Variants in SVOPL observed in about 807,000 individuals in gnomAD.
SVOPL encodes the protein SVOP like, also known as putative transporter SVOPL.
A neutral mutation model predicts 61.0 loss-of-function variants in SVOPL; 60 were observed. That is an observed-to-expected ratio of 0.98 (90% CI 0.80 to 1.22). SVOPL has a LOEUF of 1.22. Ranked by LOEUF, SVOPL falls within the 50% of genes most tolerant of loss-of-function variation. SVOPL has a pLI of 0.00. For synonymous variants in SVOPL, 279 were observed against 250.0 expected, an observed-to-expected ratio of 1.12 and a Z score of -1.09; for missense variants, 662 against 643.9, an observed-to-expected ratio of 1.03 and a Z score of -0.30.
chr7:138,606,843 A>G (rs1166743564), intron 14 of SVOPL, among the ~76,000 whole-genome samples: 1 of 152,036 alleles, frequency 6.6e-6, no homozygotes, highest in Admixed American at 6.6e-5. Flanking sequence ...TATCCCAGCT[A>G]CTCAGGAGGC....
chr7:138,598,175 T>A (rs1407884227), intron 14 of SVOPL, among the ~76,000 whole-genome samples: 1 of 152,134 alleles, frequency 6.6e-6, no homozygotes, highest in Non-Finnish European at 1.5e-5. Context: ...CCAGATTTAC[T>A]GTATCAAAAG....
chr7:138,620,991 T>A, intron 14 of SVOPL, 55 bp downstream of exon 14: 1 of 1,512,306 alleles, frequency 6.6e-7, no homozygotes, highest in South Asian at 1.2e-5. Context: ...GTCCCTGGGT[T>A]CCTCTTACCC....
rs368467351 is a variant in SVOPL at position 138,671,541 on chromosome 7, T to A, written c.273+478A>T. On this transcript the variant is annotated intron_variant, in intron 4 of 15. Transcript: ENST00000674285. The stretch of plus-strand genomic sequence containing the variant: ...TTTTGTATTTTTAGTAGAGACGGGG[T>A]TTCACCATGTTGGTCAGGCTGGTCT... 2.4e-4 allele frequency among the ~76,000 whole-genome samples: 37 copies of A among 152,190 alleles called. No homozygotes were observed. The East Asian group carries it at 5.0e-3, about 21-fold the overall frequency.
intron 14 of SVOPL, among the ~76,000 whole-genome samples, chr7:138,611,229 T>C (rs1798985222): frequency 6.6e-6 from 1 of 152,060 alleles, no homozygotes; most frequent in Non-Finnish European, 1.5e-5. Flanking sequence ...AATAAAAAAA[T>C]TAGTGGGGCA....
intron 15 of SVOPL, among the ~76,000 whole-genome samples, chr7:138,595,519 G>A (rs1168126545): frequency 6.6e-6 from 1 of 152,176 alleles, no homozygotes; most frequent in Non-Finnish European, 1.5e-5. Context: ...ACTTGAATAG[G>A]AGATTCTAGA....
intron 14 of SVOPL, among the ~76,000 whole-genome samples, chr7:138,613,701 T>C (rs1799159409): frequency 6.6e-6 from 1 of 152,188 alleles, no homozygotes; most frequent in African/African-American, 2.4e-5. Context: ...AATCTGGAAT[T>C]ATTTTACATT....
chr7:138,682,608 T>G (rs1802723194), intron 1 of SVOPL, among the ~76,000 whole-genome samples: 1 of 151,856 alleles, frequency 6.6e-6, no homozygotes, highest in South Asian at 2.1e-4. Flanking sequence ...AAGAGACACA[T>G]CAAATCAAAA....
chr7:138,658,724 T>A (rs941289665), intron 6 of SVOPL, among the ~76,000 whole-genome samples: 2 of 152,204 alleles, frequency 1.3e-5, no homozygotes, highest in East Asian at 3.8e-4. Flanking sequence ...TCAAGCATCA[T>A]TTTAAGGAGA....
intron 15 of SVOPL, among the ~76,000 whole-genome samples, chr7:138,595,362 C>T (rs1798237609): frequency 6.6e-6 from 1 of 152,094 alleles, no homozygotes; most frequent in African/African-American, 2.4e-5. Context: ...TTCCCAAAGA[C>T]ATGTAGCCAG....
chr7:138,694,676 A>T (rs1408442435), intron 1 of SVOPL, among the ~76,000 whole-genome samples: 2 of 152,244 alleles, frequency 1.3e-5, no homozygotes, highest in East Asian at 1.9e-4. Context: ...AAGTAAGGCT[A>T]TTGATTGTTG....
chr7:138,632,858 A>G (rs990465506), intron 9 of SVOPL, among the ~76,000 whole-genome samples: 3 of 152,212 alleles, frequency 2.0e-5, no homozygotes, highest in African/African-American at 7.2e-5. Context: ...GGTTGTACTC[A>G]GCTATCTTAT....
At chr7:138,613,393 C>T (rs1271147559) in intron 14 of SVOPL, among the ~76,000 whole-genome samples, 2 of 152,286 alleles carry the variant, frequency 1.3e-5, no homozygotes, top group East Asian at 3.9e-4. Flanking sequence ...TTCCCCACTG[C>T]TCCTAAGGTA....
At chr7:138,594,948 G>A (rs13234062) in intron 15 of SVOPL, among the ~76,000 whole-genome samples, 14,491 of 148,202 alleles carry the variant, frequency 0.098, 903 homozygotes, top group South Asian at 0.16. Context: ...TAGAGACAGG[G>A]TTTCACCATG....
At chr7:138,612,970 C>T (rs1799122491) in intron 14 of SVOPL, among the ~76,000 whole-genome samples, 2 of 152,026 alleles carry the variant, frequency 1.3e-5, no homozygotes, top group South Asian at 2.1e-4. Flanking sequence ...TTACTCTACC[C>T]TTTCCCTCCT....
intron 4 of SVOPL, among the ~76,000 whole-genome samples, chr7:138,668,010 G>A (rs1802316385): frequency 6.6e-6 from 1 of 152,152 alleles, no homozygotes; most frequent in Non-Finnish European, 1.5e-5. Context: ...GCAGCTGGAG[G>A]TTACAAGATT....
intron 10 of SVOPL, 133 bp downstream of exon 10, chr7:138,629,916 C>T (rs1800095966): frequency 1.5e-6 from 1 of 684,884 alleles, no homozygotes; most frequent in Non-Finnish European, 2.5e-6. Context: ...AAAGACAAAA[C>T]ATTGCTTGTC....
chr7:138,642,841 A>G (rs1208741710), intron 9 of SVOPL, among the ~76,000 whole-genome samples: 1 of 141,162 alleles, frequency 7.1e-6, no homozygotes, highest in Non-Finnish European at 1.5e-5. Context: ...CAAAAAAAAA[A>G]AAAAAAAAAG....
intron 1 of SVOPL, among the ~76,000 whole-genome samples, chr7:138,684,939 T>C (rs200513379): frequency 9.3e-5 from 14 of 150,710 alleles, no homozygotes; most frequent in African/African-American, 3.2e-4. Context: ...CTTTTCTTTT[T>C]TTTTTTTTTT....
intron 14 of SVOPL, among the ~76,000 whole-genome samples, chr7:138,610,231 T>C (rs1290633946): frequency 6.6e-6 from 1 of 152,134 alleles, no homozygotes; most frequent in Non-Finnish European, 1.5e-5. Flanking sequence ...CTTTCCTTCC[T>C]TCCTTTTCTT....
Sources: allele counts gnomAD v4.1 joint callset (sites outside exome capture counted in the v4.1 genomes callset), GRCh38; gene constraint gnomAD v4.1.1; transcripts MANE v1.5; gene names NCBI Gene and HGNC (gene_info 2026-07-23, HGNC 2026-07-21).